The following REDIC1 variants were observed in gnomAD, a reference collection of about 807,000 sequenced individuals.
REDIC1 encodes the protein regulator of DNA class I crossover intermediates 1.
the REDIC1 span, among the ~76,000 whole-genome samples, chr12:39,867,947 C>T: frequency 4.6e-5 from 7 of 152,270 alleles, no homozygotes; most frequent in East Asian, 5.8e-4. Flanking sequence ...GTATCTTAAA[C>T]GACTTTATTT....
chr12:39,793,201 A>G, the REDIC1 span, among the ~76,000 whole-genome samples: 1 of 152,270 alleles, frequency 6.6e-6, no homozygotes, highest in Non-Finnish European at 1.5e-5. Context: ...ATATACTACA[A>G]TCATTGGACA....
At chr12:39,641,764 T>A in the REDIC1 span, among the ~76,000 whole-genome samples, 1 of 151,590 alleles carries the variant, frequency 6.6e-6, no homozygotes, top group Non-Finnish European at 1.5e-5. Flanking sequence ...GTTAATATGA[T>A]CAAAGGTAGT....
chr12:39,734,362 G>T, the REDIC1 span, among the ~76,000 whole-genome samples: 1 of 152,234 alleles, frequency 6.6e-6, no homozygotes, highest in African/African-American at 2.4e-5. Context: ...CAGCCATCTT[G>T]CCCAGGAATC....
At chr12:39,905,123 T>C in the REDIC1 span, among the ~76,000 whole-genome samples, 1 of 152,140 alleles carries the variant, frequency 6.6e-6, no homozygotes, top group South Asian at 2.1e-4. Flanking sequence ...AAAATCAGAA[T>C]TTAAAAACCA....
At chr12:39,874,571 C>A in the REDIC1 span, among the ~76,000 whole-genome samples, 3 of 143,138 alleles carry the variant, frequency 2.1e-5, no homozygotes, top group Admixed American at 1.4e-4. Context: ...GCCAAGATCA[C>A]ACCATTGCAC....
the REDIC1 span, among the ~76,000 whole-genome samples, chr12:39,906,415 A>G: frequency 6.6e-6 from 1 of 152,142 alleles, no homozygotes; most frequent in Non-Finnish European, 1.5e-5. Context: ...ATACCTACAC[A>G]CAATAGATAT....
the REDIC1 span, among the ~76,000 whole-genome samples, chr12:39,830,823 A>G: frequency 1.3e-5 from 2 of 152,332 alleles, no homozygotes; most frequent in Middle Eastern, 6.8e-3. Context: ...TATACTGAGT[A>G]TCAATTATGG....
the REDIC1 span, among the ~76,000 whole-genome samples, chr12:39,781,873 T>A: frequency 6.6e-6 from 1 of 152,224 alleles, no homozygotes. Context: ...ATTTAGGACA[T>A]TTGCCTGTAC....
chr12:39,669,035 A>T, the REDIC1 span, among the ~76,000 whole-genome samples: 1 of 152,036 alleles, frequency 6.6e-6, no homozygotes, highest in Non-Finnish European at 1.5e-5. Context: ...GATCATCTGA[A>T]GCCTTCTTCT....
At chr12:39,884,500 A>C in the REDIC1 span, among the ~76,000 whole-genome samples, 1 of 152,230 alleles carries the variant, frequency 6.6e-6, no homozygotes, top group Non-Finnish European at 1.5e-5. Context: ...AGACATTTTC[A>C]TAGAAAATAA....
the REDIC1 span, among the ~76,000 whole-genome samples, chr12:39,728,373 A>T: frequency 6.6e-6 from 1 of 152,084 alleles, no homozygotes; most frequent in Admixed American, 6.6e-5. Context: ...ATTTTATTGA[A>T]GGCCTTTTTT....
chr12:39,646,288 ATTC>A, the REDIC1 span: 10 of 650,660 alleles, frequency 1.5e-5, no homozygotes, highest in Middle Eastern at 5.0e-4. Context: ...ACAATTTTTT[ATTC>A]TTATTTTAAA....
chr12:39,866,540 G>A, the REDIC1 span, among the ~76,000 whole-genome samples: 3 of 151,896 alleles, frequency 2.0e-5, no homozygotes, highest in South Asian at 4.1e-4. Context: ...GTGCAGTGGC[G>A]CGATCTCGGC....
At chr12:39,723,903 A>G in the REDIC1 span, among the ~76,000 whole-genome samples, 1 of 152,142 alleles carries the variant, frequency 6.6e-6, no homozygotes, top group African/African-American at 2.4e-5. Context: ...CAATTTGTTT[A>G]TAATTTCTTG....
chr12:39,821,098 GT>G, the REDIC1 span, among the ~76,000 whole-genome samples: 4 of 151,928 alleles, frequency 2.6e-5, no homozygotes, highest in Non-Finnish European at 5.9e-5. Flanking sequence ...TTGTTCAATG[GT>G]TTTCTTTAGA....
chr12:39,843,053 T>G, the REDIC1 span, among the ~76,000 whole-genome samples: 1 of 152,022 alleles, frequency 6.6e-6, no homozygotes, highest in African/African-American at 2.4e-5. Flanking sequence ...TTTCGCTGTT[T>G]TATAAAAAAA....
At chr12:39,688,603 G>C in the REDIC1 span, among the ~76,000 whole-genome samples, 1 of 152,166 alleles carries the variant, frequency 6.6e-6, no homozygotes, top group Non-Finnish European at 1.5e-5. Context: ...TCATTAAACA[G>C]AGATCCACTA....
the REDIC1 span, among the ~76,000 whole-genome samples, chr12:39,765,372 C>G: frequency 6.6e-6 from 1 of 152,028 alleles, no homozygotes; most frequent in South Asian, 2.1e-4. Context: ...TGCTCCGTGT[C>G]CTTGCTTCTC....
chr12:39,900,363 A>C, the REDIC1 span, among the ~76,000 whole-genome samples: 2 of 152,182 alleles, frequency 1.3e-5, no homozygotes, highest in African/African-American at 2.4e-5. Flanking sequence ...GAAAGAAATA[A>C]AGGGGATTAT....
Sources: allele counts gnomAD v4.1 joint callset (sites outside exome capture counted in the v4.1 genomes callset), GRCh38; gene constraint gnomAD v4.1.1; transcripts MANE v1.5; gene names NCBI Gene and HGNC (gene_info 2026-07-23, HGNC 2026-07-21).